The following DRC8 variants were observed in gnomAD, a reference collection of about 807,000 sequenced individuals.
DRC8 encodes dynein regulatory complex protein 8.
At chr1:245,107,678 T>C in the DRC8 span, among the ~76,000 whole-genome samples, 7 of 152,184 alleles carry the variant, frequency 4.6e-5, no homozygotes, top group Non-Finnish European at 1.0e-4. Context: ...TGCCCTCTCC[T>C]GGTTCTCAGT....
chr1:245,016,790 A>C, the DRC8 span, among the ~76,000 whole-genome samples: 1 of 152,080 alleles, frequency 6.6e-6, no homozygotes, highest in Non-Finnish European at 1.5e-5. Flanking sequence ...TCTTCCCCCA[A>C]CTCCACAAGC....
the DRC8 span, among the ~76,000 whole-genome samples, chr1:244,971,286 T>C: frequency 6.6e-6 from 1 of 151,870 alleles, no homozygotes; most frequent in Admixed American, 6.5e-5. Flanking sequence ...TTGGAACCGC[T>C]GTGCGCCGGC....
At chr1:245,076,095 G>A in the DRC8 span, among the ~76,000 whole-genome samples, 1 of 152,184 alleles carries the variant, frequency 6.6e-6, no homozygotes, top group African/African-American at 2.4e-5. Context: ...ACGGATAGGC[G>A]GCAGAGGCAA....
chr1:245,064,828 A>T, the DRC8 span, among the ~76,000 whole-genome samples: 2 of 149,902 alleles, frequency 1.3e-5, no homozygotes, highest in East Asian at 2.0e-4. Flanking sequence ...ATAAACATTA[A>T]TTTTTTTTTT....
the DRC8 span, among the ~76,000 whole-genome samples, chr1:244,983,076 A>G: frequency 6.6e-6 from 1 of 152,132 alleles, no homozygotes; most frequent in East Asian, 1.9e-4. Flanking sequence ...AAAAAAGAAG[A>G]AAATCATCTG....
the DRC8 span, chr1:244,969,831 G>A: frequency 3.6e-5 from 14 of 392,342 alleles, no homozygotes; most frequent in Non-Finnish European, 5.0e-5. Context: ...CGGGAGGGCA[G>A]GCGCGGCCGT....
the DRC8 span, among the ~76,000 whole-genome samples, chr1:244,978,311 C>T: frequency 7.2e-5 from 11 of 152,124 alleles, no homozygotes; most frequent in South Asian, 1.7e-3. Context: ...CTGGCCAACA[C>T]GGGAAAACCC....
At chr1:245,009,061 A>T in the DRC8 span, among the ~76,000 whole-genome samples, 3 of 96,884 alleles carry the variant, frequency 3.1e-5, no homozygotes, top group Admixed American at 1.6e-4. Flanking sequence ...TTTGAGACTG[A>T]GTCTCGCTCT....
chr1:245,080,006 T>C, the DRC8 span, among the ~76,000 whole-genome samples: 2 of 152,118 alleles, frequency 1.3e-5, no homozygotes, highest in Non-Finnish European at 2.9e-5. Context: ...ATTCTGTCAT[T>C]GAATGCGCTG....
chr1:245,008,342 T>A, the DRC8 span, among the ~76,000 whole-genome samples: 1 of 152,160 alleles, frequency 6.6e-6, no homozygotes, highest in Non-Finnish European at 1.5e-5. Flanking sequence ...AAAAAATTTA[T>A]AAGAAAATAA....
chr1:245,003,204 G>A, the DRC8 span, among the ~76,000 whole-genome samples: 3 of 152,152 alleles, frequency 2.0e-5, no homozygotes, highest in Non-Finnish European at 2.9e-5. Context: ...GGACATTTGG[G>A]CTGTTTCCAC....
chr1:245,099,376 A>G, the DRC8 span, among the ~76,000 whole-genome samples: 1 of 152,208 alleles, frequency 6.6e-6, no homozygotes, highest in Admixed American at 6.5e-5. Context: ...GAGAAAGCTG[A>G]GTGACAGCCA....
the DRC8 span, among the ~76,000 whole-genome samples, chr1:245,074,743 A>AC: frequency 9.0e-5 from 1 of 11,148 alleles, no homozygotes; most frequent in African/African-American, 9.7e-5. Context: ...AAGTGGCTTT[A>AC]AAATTTTTGT....
chr1:245,120,285 C>G, the DRC8 span, among the ~76,000 whole-genome samples: 89,119 of 152,114 alleles, frequency 0.59, 29,423 homozygotes, highest in South Asian at 0.74. Context: ...TCACGCATCT[C>G]TACACATCAC....
chr1:245,074,911 ATC>A, the DRC8 span, among the ~76,000 whole-genome samples: 2 of 145,850 alleles, frequency 1.4e-5, no homozygotes, highest in African/African-American at 5.0e-5. Context: ...AATGTGAACT[ATC>A]TCATGGTTTT....
chr1:245,013,820 C>G, the DRC8 span, among the ~76,000 whole-genome samples: 1 of 151,940 alleles, frequency 6.6e-6, no homozygotes, highest in South Asian at 2.1e-4. Flanking sequence ...CATTTGAGGT[C>G]AGGAGTTTGA....
At chr1:245,084,992 A>C in the DRC8 span, among the ~76,000 whole-genome samples, 3 of 152,260 alleles carry the variant, frequency 2.0e-5, no homozygotes, top group Non-Finnish European at 4.4e-5. Context: ...ATTAGTCTAA[A>C]GAAAGTAAAT....
At chr1:245,009,214 A>G in the DRC8 span, among the ~76,000 whole-genome samples, 2 of 150,476 alleles carry the variant, frequency 1.3e-5, no homozygotes, top group Non-Finnish European at 3.0e-5. Context: ...TTGTATTTTT[A>G]GTAGAGACAG....
At chr1:244,997,698 G>A in the DRC8 span, among the ~76,000 whole-genome samples, 842 of 151,484 alleles carry the variant, frequency 5.6e-3, 11 homozygotes, top group African/African-American at 0.019. Flanking sequence ...CGCCCTCCAC[G>A]ACACCCAGCT....
Sources: allele counts gnomAD v4.1 joint callset (sites outside exome capture counted in the v4.1 genomes callset), GRCh38; gene constraint gnomAD v4.1.1; transcripts MANE v1.5; gene names NCBI Gene and HGNC (gene_info 2026-07-23, HGNC 2026-07-21).